SH2D1B: variants seen among roughly 807,000 people sequenced by gnomAD.
The protein encoded by SH2D1B is SH2 domain-containing protein 1B.
SH2D1B carries 11 observed loss-of-function variants against 16.3 expected under a neutral mutation model. The ratio of observed to expected loss-of-function variants is 0.67; its 90% confidence interval spans 0.42 to 1.11. The LOEUF is 1.11. Ranked by LOEUF, SH2D1B falls within the 50% of genes most tolerant of loss-of-function variation. The pLI is 0.00. For missense variants in SH2D1B, 123 were observed against 153.1 expected (o/e 0.80, Z 1.04); for synonymous variants, 55 against 56.1 (o/e 0.98, Z 0.09).
intron 2 of SH2D1B, among the ~76,000 whole-genome samples, chr1:162,401,202 C>T (rs1648508936): frequency 6.6e-6 from 1 of 152,150 alleles, no homozygotes. Flanking sequence ...AAAGCTGCTC[C>T]CCAGTGAAAC....
intron 1 of SH2D1B, among the ~76,000 whole-genome samples, chr1:162,403,701 TACACACACACACACACACAC>T (rs57093863): frequency 8.3e-5 from 11 of 132,288 alleles, no homozygotes; most frequent in South Asian, 2.6e-4. Flanking sequence ...TGAAGAAAGT[TACACACACACACACACACAC>T]ACACACACAC....
chr1:162,399,875 T>A (rs931332621), intron 2 of SH2D1B, among the ~76,000 whole-genome samples: 21 of 152,170 alleles, frequency 1.4e-4, no homozygotes, highest in African/African-American at 4.8e-4. Flanking sequence ...CTGATCCCCA[T>A]GTGAGAGATT....
At chr1:162,405,975 A>C (rs1178257706) in intron 1 of SH2D1B, among the ~76,000 whole-genome samples, 5 of 152,220 alleles carry the variant, frequency 3.3e-5, no homozygotes, top group African/African-American at 1.2e-4. Flanking sequence ...TATTTTAACT[A>C]ACCTTCAAAA....
chr1:162,407,404 T>C (rs1168578546), intron 1 of SH2D1B, among the ~76,000 whole-genome samples: 2 of 152,142 alleles, frequency 1.3e-5, no homozygotes, highest in Admixed American at 1.3e-4. Flanking sequence ...CATATTTCAG[T>C]GAAGCTGGGG....
At position 162,397,322 on chromosome 1, in the gene SH2D1B, A is replaced by AG. The variant is rs757699671; in HGVS notation, c.364-8dup. On this transcript the variant is annotated splice_polypyrimidine_tract_variant and splice_region_variant and intron_variant, in intron 3 of 3. Transcript: ENST00000367929. ...CATAATCGCTGTTACTGTTCTTTGGAGGGAAAAAAAAAGCAGAAGACCAGC... is the reference window on the plus strand; with the variant it reads ...CATAATCGCTGTTACTGTTCTTTGGAGGGGAAAAAAAAAGCAGAAGACCAGC... 7.4e-6 allele frequency: 12 copies of AG among 1,613,318 alleles called. No homozygotes were observed. In the Admixed American group the frequency reaches 1.8e-4, roughly 25 times the overall value.
At position 162,399,087 on chromosome 1, in the gene SH2D1B, T is replaced by C. The variant is rs1245154234; in HGVS notation, c.199A>G (p.Thr67Ala). 2 of 1,597,958 alleles carry C rather than the reference T, an allele frequency of 1.3e-6. No homozygotes were observed. Among genetic ancestry groups the C allele is most frequent in the African/African-American group, 2.7e-5 (2 of 74,152 alleles). ...REKHGYYRIQ[T>A]AEGSPKQVFP... ...ACCTGTTTTGGAGAACCTTCTGCAG[T>C]CTGCAAAAATACAAGAAAGGAAATC... Residue 67 changes from threonine to alanine, a missense_variant and splice_region_variant, in exon 3 of 4, where the codon ACT becomes GCT. Physicochemically the swap from Thr to Ala is moderately conservative, Grantham distance 58 (BLOSUM62 0). Coordinates refer to ENST00000367929, the MANE Select transcript of SH2D1B (RefSeq NM_053282.5).
intron 1 of SH2D1B, among the ~76,000 whole-genome samples, chr1:162,408,414 CT>C (rs34627792): frequency 1.9e-3 from 239 of 128,172 alleles, no homozygotes; most frequent in African/African-American, 2.8e-3. Context: ...TTTTTCTCTT[CT>C]TTTTTTTTTT....
chr1:162,408,506 G>A lies in SH2D1B; in HGVS notation c.134+3377C>T, dbSNP rs182307330. ...TGGCTCACTGCAACCTCCGCCTCCT[G>A]GGTTCAAGCAATTCTCCTGCCTCAG... On this transcript the variant is annotated intron_variant, in intron 1 of 3. Coordinates refer to ENST00000367929, the MANE Select transcript of SH2D1B (RefSeq NM_053282.5). Among the ~76,000 whole-genome samples, 498 of 148,450 alleles carry A rather than the reference G, an allele frequency of 3.4e-3. 9 individuals are homozygous for A. The highest frequency in any genetic ancestry group is 0.03 in the Admixed American group (437 of 14,700).
intron 1 of SH2D1B, among the ~76,000 whole-genome samples, chr1:162,405,479 T>G (rs1352067509): frequency 6.6e-6 from 1 of 152,256 alleles, no homozygotes; most frequent in Non-Finnish European, 1.5e-5. Context: ...ATGAATATAA[T>G]TTATCTTTCT....
chr1:162,398,266 C>G (rs954875292), intron 3 of SH2D1B, among the ~76,000 whole-genome samples: 1 of 152,172 alleles, frequency 6.6e-6, no homozygotes, highest in African/African-American at 2.4e-5. Context: ...CACATTCCAA[C>G]ATGGGAAAAC....
intron 1 of SH2D1B, among the ~76,000 whole-genome samples, chr1:162,407,169 C>G (rs923038709): frequency 1.3e-5 from 2 of 152,178 alleles, no homozygotes; most frequent in African/African-American, 4.8e-5. Context: ...AACCAGCCCC[C>G]AATATTTCAA....
At position 162,399,091 on chromosome 1, in the gene SH2D1B, C is replaced by A; in HGVS notation, c.199-4G>T. 6.3e-7 allele frequency: 1 copy of A among 1,596,296 alleles called. No homozygotes were observed. The highest frequency in any genetic ancestry group is 8.5e-7 in the Non-Finnish European group (1 of 1,170,566). On this transcript the variant is annotated splice_region_variant and splice_polypyrimidine_tract_variant and intron_variant, in intron 2 of 3. Transcript: ENST00000367929. The stretch of plus-strand genomic sequence containing the variant: ...GTTTTGGAGAACCTTCTGCAGTCTG[C>A]AAAAATACAAGAAAGGAAATCACTC...
chr1:162,408,507 G>T (rs1287435968), intron 1 of SH2D1B, among the ~76,000 whole-genome samples: 1 of 149,600 alleles, frequency 6.7e-6, no homozygotes, highest in Non-Finnish European at 1.5e-5. Context: ...CCGCCTCCTG[G>T]GTTCAAGCAA....
At chr1:162,404,199 G>C (rs1648598612) in intron 1 of SH2D1B, among the ~76,000 whole-genome samples, 1 of 152,100 alleles carries the variant, frequency 6.6e-6, no homozygotes, top group African/African-American at 2.4e-5. Context: ...TGCTGGGTGT[G>C]GTGGCAGGCA....
At chr1:162,406,476 T>C (rs1460059089) in intron 1 of SH2D1B, among the ~76,000 whole-genome samples, 1 of 152,226 alleles carries the variant, frequency 6.6e-6, no homozygotes, top group Non-Finnish European at 1.5e-5. Context: ...ACCATTTATG[T>C]ACATATATTG....
At chr1:162,405,564 T>C (rs568345723) in intron 1 of SH2D1B, among the ~76,000 whole-genome samples, 11 of 152,212 alleles carry the variant, frequency 7.2e-5, no homozygotes, top group East Asian at 1.9e-4. Context: ...TGGCCTCAGA[T>C]AGAAAAAGTG....
chr1:162,411,957 G>T lies in SH2D1B; in HGVS notation c.60C>A (p.Leu20=). ...GAAAGTTGCCATCCACCCCTTCCTT[G>T]AGCAGCAAGGTCTCACAGTCTTGCT... ...LTKQDCETLL[L]KEGVDGNFLL... is the part of the protein sequence containing the mutation. Residue 20 remains leucine, a synonymous_variant, in exon 1 of 4, where the codon CTC becomes CTA. Transcript: ENST00000367929. 6.2e-7 allele frequency: 1 copy of T among 1,614,132 alleles called. No homozygotes were observed. The highest frequency in any genetic ancestry group is 8.5e-7 in the Non-Finnish European group (1 of 1,180,010).
intron 1 of SH2D1B, 82 bp downstream of exon 1, chr1:162,411,801 G>T: frequency 1.9e-6 from 3 of 1,566,984 alleles, no homozygotes; most frequent in Non-Finnish European, 1.7e-6. Context: ...AAATACTGAG[G>T]GATATGAATT....
intron 2 of SH2D1B, among the ~76,000 whole-genome samples, chr1:162,400,904 C>T (rs1301430136): frequency 2.0e-5 from 3 of 152,218 alleles, no homozygotes; most frequent in Admixed American, 6.5e-5. Flanking sequence ...GCCGAGATCA[C>T]GCCACTGCAC....
Sources: allele counts gnomAD v4.1 joint callset (sites outside exome capture counted in the v4.1 genomes callset), GRCh38; gene constraint gnomAD v4.1.1; transcripts MANE v1.5; gene names NCBI Gene and HGNC (gene_info 2026-07-23, HGNC 2026-07-21).